TNFRSF1B: variants seen among roughly 807,000 people sequenced by gnomAD.
TNFRSF1B encodes tumor necrosis factor receptor superfamily member 1B.
In TNFRSF1B, 19 loss-of-function variants were observed where a neutral mutation model predicts 44.6. That is an observed-to-expected ratio of 0.43 (90% confidence interval 0.30 to 0.62). The LOEUF (loss-of-function observed/expected upper bound fraction) is 0.62, where lower values mean the gene tolerates loss of function less well. Ranked by LOEUF, TNFRSF1B falls within the 20% of genes least tolerant of loss-of-function variation. The pLI, the probability that TNFRSF1B is intolerant of heterozygous loss-of-function variation, is 0.16. For synonymous variants in TNFRSF1B, 252 were observed against 261.1 expected (o/e 0.97, Z 0.34); for missense variants, 541 against 619.9 (o/e 0.87, Z 1.35).
Position 12,177,148 on chromosome 1 carries a change from G to A in TNFRSF1B, c.78+9979G>A, listed in dbSNP as rs17885672. On this transcript the variant is annotated intron_variant, in intron 1 of 9. Coordinates refer to ENST00000376259, the MANE Select transcript of TNFRSF1B (RefSeq NM_001066.3). This position sits in a 1 kb window ranked among gnomAD's most constrained non-coding sequence, Gnocchi z 4.3. ...CTCCCAAGTAGCTGGGACTACAGGC[G>A]TGCCCCACCACGCCTGGCTAATTTT... is the stretch of plus-strand genomic sequence containing the variant. 0.076 allele frequency among the ~76,000 whole-genome samples: 11,542 copies of A among 152,046 alleles called. 557 individuals carry two copies. Among genetic ancestry groups the A allele is most frequent in the East Asian group, 0.1 (538 of 5,166 alleles).
chr1:12,203,931 T>C (rs547414093), intron 9 of TNFRSF1B, among the ~76,000 whole-genome samples: 30 of 152,352 alleles, frequency 2.0e-4, no homozygotes, highest in African/African-American at 7.2e-4. Context: ...AGTTTCACCA[T>C]GTTGGCCAGA....
intron 7 of TNFRSF1B, 142 bp downstream of exon 7, chr1:12,194,174 C>G (rs111772337): frequency 2.9e-6 from 2 of 685,080 alleles, no homozygotes; most frequent in African/African-American, 3.6e-5. Flanking sequence ...AGCTTAAGGC[C>G]TGGGGTGAAG....
Position 12,193,248 on chromosome 1 carries a change from C to G in TNFRSF1B, c.787+150C>G, listed in dbSNP as rs978949359. The G allele has an allele frequency of 8.3e-5, 61 of 739,342 alleles. No homozygotes were observed. The African/African-American group carries it at 1.0e-3, about 13-fold the overall frequency. 45.8% of individuals were successfully genotyped at this position (739,342 alleles called of 1,614,324 possible). A position where few individuals can be genotyped will look rare whatever the true frequency, so the allele number is the denominator to read the frequency against. On this transcript the variant is annotated intron_variant, in intron 6 of 9. Coordinates refer to ENST00000376259, the MANE Select transcript of TNFRSF1B (RefSeq NM_001066.3). Reference sequence around the variant, plus strand: ...ATACAGGTGGCAGTGAGACTGCTTTCTCCCCACACCTGGTGCTATCATTCA... The same window carrying G: ...ATACAGGTGGCAGTGAGACTGCTTTGTCCCCACACCTGGTGCTATCATTCA...
Position 12,206,867 on chromosome 1 carries a change from C to A in TNFRSF1B, c.1233C>A (p.Ser411Arg), listed in dbSNP as rs776056858. 2 of 1,614,234 alleles carry A rather than the reference C, an allele frequency of 1.2e-6. No individual in the cohort carries two copies. Among genetic ancestry groups the A allele is most frequent in the Non-Finnish European group, 1.7e-6 (2 of 1,180,034 alleles). ...ASSTMGDTDS[S>R]PSESPKDEQV... Reference sequence around the variant, plus strand: ...CCACAATGGGAGACACAGATTCCAGCCCCTCGGAGTCCCCGAAGGACGAGC... The same window carrying A: ...CCACAATGGGAGACACAGATTCCAGACCCTCGGAGTCCCCGAAGGACGAGC... Residue 411 changes from serine to arginine, a missense_variant, in exon 10 of 10, where the codon AGC becomes AGA. By Grantham distance (110) the Ser-to-Arg change is moderately radical. Transcript: ENST00000376259.
chr1:12,191,337 A>G (rs1557633730), intron 3 of TNFRSF1B, among the ~76,000 whole-genome samples: 1 of 152,114 alleles, frequency 6.6e-6, no homozygotes, highest in African/African-American at 2.4e-5. Flanking sequence ...TGCGTGGGAG[A>G]GTGGTGCGCA....
At chr1:12,204,790 T>TCAC (rs151248488) in intron 9 of TNFRSF1B, among the ~76,000 whole-genome samples, 198 of 151,034 alleles carry the variant, frequency 1.3e-3, no homozygotes, top group Middle Eastern at 6.8e-3. Context: ...CTTAAAAACA[T>TCAC]CACCACCACC....
rs373212696 is a variant in TNFRSF1B, at chr1:12,202,851, A to T, written c.1105+680A>T. Reference sequence around the variant, plus strand: ...AAACAGAAGAGCCAGACTCACCCCTAGGCTGTCGGGCTCCAGAGCCCTGGG... The same window carrying T: ...AAACAGAAGAGCCAGACTCACCCCTTGGCTGTCGGGCTCCAGAGCCCTGGG... On this transcript the variant is annotated intron_variant, in intron 9 of 9. Transcript: ENST00000376259. Among the ~76,000 whole-genome samples, 11 of 152,338 alleles carry T rather than the reference A, an allele frequency of 7.2e-5. No individual in the cohort carries two copies. In the East Asian group the frequency reaches 1.5e-3, roughly 21 times the overall value.
Position 12,207,168 on chromosome 1 carries a change from C to T in TNFRSF1B, c.*148C>T. On this transcript the variant is annotated 3_prime_UTR_variant, in exon 10 of 10. Transcript: ENST00000376259. ...GTTCCTCTAGTGCCCTCCACAGCCG[C>T]AGCCTCCCTCTGACCTGCAGGCCAA... 2.5e-6 allele frequency: 2 copies of T among 790,374 alleles called. No individual in the cohort carries two copies. Among genetic ancestry groups the T allele is most frequent in the Non-Finnish European group, 3.7e-6 (2 of 538,644 alleles). 49.0% of individuals were successfully genotyped at this position (790,374 alleles called of 1,614,324 possible). A position where few individuals can be genotyped will look rare whatever the true frequency, so the allele number is the denominator to read the frequency against.
At chr1:12,206,591 G>T (rs570272995) in intron 9 of TNFRSF1B, 149 bp from the exon 10 acceptor site, 3 of 824,330 alleles carry the variant, frequency 3.6e-6, no homozygotes, top group Non-Finnish European at 5.4e-6. Flanking sequence ...CTTGCTCAAG[G>T]TCACACAGCA....
intron 9 of TNFRSF1B, among the ~76,000 whole-genome samples, chr1:12,203,648 C>T (rs1273229893): frequency 1.3e-5 from 2 of 152,256 alleles, no homozygotes; most frequent in Non-Finnish European, 2.9e-5. Flanking sequence ...GGGCCCTACA[C>T]ACTGTTGAAT....
chr1:12,183,662 A>ATCTATCTATCTATCTATCTATCTATCTAT (rs1638869996), intron 1 of TNFRSF1B, among the ~76,000 whole-genome samples: 6 of 95,440 alleles, frequency 6.3e-5, no homozygotes, highest in Non-Finnish European at 1.1e-4. Flanking sequence ...TATTTTATCT[A>ATCTATCTATCTATCTATCTATCTATCTAT]TCTATCTATC....
At chr1:12,196,947 TTTTC>T (rs1243917865) in intron 8 of TNFRSF1B, among the ~76,000 whole-genome samples, 2 of 151,732 alleles carry the variant, frequency 1.3e-5, no homozygotes, top group Non-Finnish European at 2.9e-5. Flanking sequence ...TCCATTTTTT[TTTTC>T]TTTCTTTCTT....
rs1442269845 is a variant in TNFRSF1B, at chr1:12,208,061, T to A, written c.*1041T>A. The A allele has an allele frequency of 1.3e-5, 2 of 152,332 alleles. No individual in the cohort carries two copies. Among genetic ancestry groups the A allele is most frequent in the Non-Finnish European group, 2.9e-5 (2 of 68,022 alleles). 9.4% of individuals were successfully genotyped at this position (152,332 alleles called of 1,614,324 possible). ...CACTTCTAACTAGAAATCTGCCAAT[T>A]TTTTAAAAAAGTAAGTACCACTCAG... On this transcript the variant is annotated 3_prime_UTR_variant, in exon 10 of 10. Transcript: ENST00000376259.
chr1:12,183,378 A>G (rs1420679149), intron 1 of TNFRSF1B, among the ~76,000 whole-genome samples: 2 of 152,028 alleles, frequency 1.3e-5, no homozygotes, highest in Admixed American at 6.6e-5. Context: ...AATGGGCACA[A>G]TCAGACCTGC....
Position 12,167,150 on chromosome 1 carries a change from C to G in TNFRSF1B, c.59C>G (p.Ala20Gly). 7.6e-7 allele frequency: 1 copy of G among 1,313,330 alleles called. No individual in the cohort carries two copies. Among genetic ancestry groups the G allele is most frequent in the Non-Finnish European group, 9.7e-7 (1 of 1,028,386 alleles). 81.4% of individuals were successfully genotyped at this position (1,313,330 alleles called of 1,614,324 possible). ...GTCGGACTGGAGCTCTGGGCTGCGG[C>G]GCACGCCTTGCCCGCCCAGGTGGGT... ...LAVGLELWAA[A>G]HALPAQVAFT... The change falls in exon 1 of 10, where the codon GCG becomes GGG. Residue 20 changes from alanine to glycine, a missense_variant. Coordinates refer to ENST00000376259, the MANE Select transcript of TNFRSF1B (RefSeq NM_001066.3).
chr1:12,193,703 G>T (rs1424266095), intron 6 of TNFRSF1B, among the ~76,000 whole-genome samples: 1 of 152,222 alleles, frequency 6.6e-6, no homozygotes, highest in African/African-American at 2.4e-5. Context: ...AGCGGGCTGG[G>T]CCAGGTCACC....
intron 1 of TNFRSF1B, among the ~76,000 whole-genome samples, chr1:12,174,163 T>TCTTCTC (rs1638591926): frequency 1.6e-5 from 1 of 62,688 alleles, no homozygotes; most frequent in African/African-American, 6.4e-5. Flanking sequence ...TTCTTCTTCT[T>TCTTCTC]CTCCTTCTCC....
intron 9 of TNFRSF1B, among the ~76,000 whole-genome samples, chr1:12,205,420 G>T (rs1253126840): frequency 2.0e-5 from 3 of 152,118 alleles, no homozygotes; most frequent in African/African-American, 7.2e-5. Context: ...AGCAAGGACT[G>T]TGGGTTTTTG....
chr1:12,167,153 A>G lies in TNFRSF1B; in HGVS notation c.62A>G (p.His21Arg), dbSNP rs1016755763. ...GGACTGGAGCTCTGGGCTGCGGCGCACGCCTTGCCCGCCCAGGTGGGTGAC... is the reference window on the plus strand; with the variant it reads ...GGACTGGAGCTCTGGGCTGCGGCGCGCGCCTTGCCCGCCCAGGTGGGTGAC... ...AVGLELWAAA[H>R]ALPAQVAFTP... Residue 21 changes from histidine (H) to arginine (R), a missense_variant, in exon 1 of 10, where the codon CAC (histidine) becomes CGC (arginine). Physicochemically the swap from His to Arg is conservative, Grantham distance 29. Transcript: ENST00000376259. The G allele has an allele frequency of 6.9e-5, 90 of 1,299,380 alleles. No individual in the cohort carries two copies. The highest frequency in any genetic ancestry group is 8.1e-5 in the Non-Finnish European group (83 of 1,021,070). 80.5% of individuals were successfully genotyped at this position (1,299,380 alleles called of 1,614,324 possible).
Sources: gnomAD v4.1 joint callset for allele counts (sites outside exome capture counted in the v4.1 genomes callset) on GRCh38, gnomAD v4.1.1 for gene constraint, Gnocchi (gnomAD v3.1) non-coding constraint, MANE v1.5 for transcripts, NCBI Gene and HGNC (gene_info 2026-07-23, HGNC 2026-07-21) for gene names.